The following CPNE4 variants were observed in gnomAD, a reference collection of about 807,000 sequenced individuals.
CPNE4 encodes the protein copine 4.
A neutral mutation model predicts 67.9 loss-of-function variants in CPNE4; 25 were observed. The ratio of observed to expected loss-of-function variants is 0.37; its 90% CI spans 0.27 to 0.51. The LOEUF (loss-of-function observed/expected upper bound fraction) is 0.51, where lower values mean the gene tolerates loss of function less well. CPNE4 is among the 20% of genes least tolerant of loss of function. The pLI, the probability that CPNE4 is intolerant of heterozygous loss-of-function variation, is 0.93. For synonymous variants in CPNE4, 242 were observed against 244.9 expected, an observed-to-expected ratio of 0.99 and a Z score of 0.11; for missense variants, 464 against 690.8, an observed-to-expected ratio of 0.67 and a Z score of 3.68.
chr3:131,887,163 A>C (rs1355645768), intron 2 of CPNE4, among the ~76,000 whole-genome samples: 1 of 152,174 alleles, frequency 6.6e-6, no homozygotes, highest in East Asian at 1.9e-4. Context: ...TCATGGGGAC[A>C]GTTTCCCCCA....
chr3:131,955,785 G>A (rs2071948279), intron 1 of CPNE4, among the ~76,000 whole-genome samples: 1 of 152,108 alleles, frequency 6.6e-6, no homozygotes, highest in Admixed American at 6.6e-5. Flanking sequence ...GTACGGAAGT[G>A]GTGGCCAGCA....
chr3:131,788,371 A>T (rs1207538680), intron 2 of CPNE4, among the ~76,000 whole-genome samples: 1 of 152,170 alleles, frequency 6.6e-6, no homozygotes, highest in Non-Finnish European at 1.5e-5. Context: ...ACAATTTCAA[A>T]AAGAAAAAAT....
chr3:131,549,986 G>A lies in CPNE4; in HGVS notation c.1263C>T (p.Ala421=), dbSNP rs1206972927. 1.2e-6 allele frequency: 2 copies of A among 1,613,174 alleles called. No homozygotes were observed. The highest frequency in any genetic ancestry group is 2.2e-5 in the East Asian group (1 of 44,842). The change falls in exon 14 of 16, where the codon GCC becomes GCT. Residue 421 remains alanine (A), a synonymous_variant. Transcript: ENST00000429747. ...TNIAPIIQKV[A]KSASEETNTK... is the part of the protein sequence containing the mutation. ...TGTTAGTTTCCTCTGACGCTGACTT[G>A]GCAACCTTCTGGATGATGGGGGCAA... is the stretch of plus-strand genomic sequence containing the variant.
chr3:131,785,817 T>C (rs774088654), intron 2 of CPNE4, among the ~76,000 whole-genome samples: 4 of 152,070 alleles, frequency 2.6e-5, no homozygotes, highest in Non-Finnish European at 5.9e-5. Flanking sequence ...TGCATGGGTT[T>C]TATGTTTGCT....
intron 7 of CPNE4, among the ~76,000 whole-genome samples, chr3:131,654,321 G>C (rs905168216): frequency 6.6e-6 from 1 of 152,018 alleles, no homozygotes; most frequent in Non-Finnish European, 1.5e-5. Context: ...GTGTCATGGG[G>C]ATTTTTGTAC....
intron 5 of CPNE4, among the ~76,000 whole-genome samples, chr3:131,687,662 A>G (rs1175702595): frequency 6.6e-6 from 1 of 152,226 alleles, no homozygotes; most frequent in African/African-American, 2.4e-5. Context: ...TGTCTTTACC[A>G]GCCATCCTAG....
At chr3:132,039,237 C>T (rs1255553830), upstream of CPNE4, among the ~76,000 whole-genome samples, 2 of 152,188 alleles carry the variant, frequency 1.3e-5, no homozygotes, top group South Asian at 2.1e-4. Context: ...GAAGGAGATA[C>T]TGAATCAGCT....
At chr3:131,697,221 T>C (rs1264646305) in intron 4 of CPNE4, among the ~76,000 whole-genome samples, 2 of 152,182 alleles carry the variant, frequency 1.3e-5, no homozygotes, top group Non-Finnish European at 2.9e-5. Flanking sequence ...TAATAGGTCA[T>C]TTTCCAATAC....
chr3:131,585,198 C>T (rs1261584879), intron 8 of CPNE4, among the ~76,000 whole-genome samples: 3 of 152,158 alleles, frequency 2.0e-5, no homozygotes, highest in African/African-American at 7.2e-5. Context: ...TTTGTAATAG[C>T]ATTTGTCACA....
chr3:131,719,886 T>A (rs2081836221), intron 3 of CPNE4, among the ~76,000 whole-genome samples: 1 of 152,210 alleles, frequency 6.6e-6, no homozygotes, highest in South Asian at 2.1e-4. Flanking sequence ...AAAATCCACA[T>A]GTCTTACTGG....
intron 2 of CPNE4, among the ~76,000 whole-genome samples, chr3:131,726,967 A>C (rs1182415821): frequency 6.6e-6 from 1 of 152,204 alleles, no homozygotes; most frequent in Admixed American, 6.5e-5. Context: ...GTGAATGCTT[A>C]TCTTCTCTCT....
chr3:131,679,899 T>G (rs533212436), intron 6 of CPNE4, among the ~76,000 whole-genome samples: 1 of 152,304 alleles, frequency 6.6e-6, no homozygotes, highest in African/African-American at 2.4e-5. Flanking sequence ...AGAATGTATA[T>G]TCTATTGTTT....
chr3:131,814,525 T>C (rs1309583401), intron 2 of CPNE4, among the ~76,000 whole-genome samples: 3 of 149,638 alleles, frequency 2.0e-5, no homozygotes, highest in African/African-American at 7.3e-5. Flanking sequence ...CACAAGACTC[T>C]TTCTGTATTG....
intron 12 of CPNE4, among the ~76,000 whole-genome samples, chr3:131,552,918 T>C (rs1478435341): frequency 6.6e-6 from 1 of 152,068 alleles, no homozygotes; most frequent in East Asian, 1.9e-4. Flanking sequence ...AAGATAGCGA[T>C]GGTTATAAAA....
intron 2 of CPNE4, among the ~76,000 whole-genome samples, chr3:131,849,410 C>G (rs928375926): frequency 6.6e-6 from 1 of 151,992 alleles, no homozygotes; most frequent in Admixed American, 6.6e-5. Context: ...GGGAGGGAAA[C>G]AGGAATGTTT....
At chr3:131,795,877 C>A (rs908133750) in intron 2 of CPNE4, among the ~76,000 whole-genome samples, 1 of 152,186 alleles carries the variant, frequency 6.6e-6, no homozygotes, top group Admixed American at 6.5e-5. Context: ...GTTCCCTTTT[C>A]TCCTCCCTTG....
At chr3:131,767,981 TA>T (rs935791775) in intron 2 of CPNE4, among the ~76,000 whole-genome samples, 2 of 152,010 alleles carry the variant, frequency 1.3e-5, no homozygotes, top group African/African-American at 2.4e-5. Context: ...TAGTTAAGAG[TA>T]ACATAGAGAT....
intron 3 of CPNE4, among the ~76,000 whole-genome samples, chr3:131,712,780 A>G (rs990178270): frequency 6.6e-6 from 1 of 152,240 alleles, no homozygotes; most frequent in African/African-American, 2.4e-5. Context: ...GATGCTGACA[A>G]TCGAGAAGGT....
At chr3:131,709,489 T>G (rs1234308205) in intron 3 of CPNE4, among the ~76,000 whole-genome samples, 2 of 152,228 alleles carry the variant, frequency 1.3e-5, no homozygotes, top group African/African-American at 4.8e-5. Context: ...GATGCAGGCT[T>G]TGCAGATGTT....
Sources: gnomAD v4.1 joint callset for allele counts (sites outside exome capture counted in the v4.1 genomes callset) on GRCh38, gnomAD v4.1.1 for gene constraint, MANE v1.5 for transcripts, NCBI Gene and HGNC (gene_info 2026-07-23, HGNC 2026-07-21) for gene names.